The following ADAMTSL3 variants were observed in gnomAD, a reference collection of about 807,000 sequenced individuals.
ADAMTSL3 encodes the protein ADAMTS like 3.
In ADAMTSL3, 128 loss-of-function variants were observed where a neutral mutation model predicts 201.7. The ratio of observed to expected loss-of-function variants is 0.63; its 90% CI spans 0.55 to 0.73. The LOEUF is 0.73. ADAMTSL3 is among the 30% of genes least tolerant of loss of function. The pLI is 0.00. For missense variants in ADAMTSL3, 1,990 were observed against 2,119.6 expected, an observed-to-expected ratio of 0.94 and a Z score of 1.20; for synonymous variants, 738 against 748.4, an observed-to-expected ratio of 0.99 and a Z score of 0.23.
intron 6 of ADAMTSL3, among the ~76,000 whole-genome samples, chr15:83,826,714 A>G (rs1284330854): frequency 7.3e-6 from 1 of 136,300 alleles, no homozygotes; most frequent in African/African-American, 2.7e-5. Context: ...CCTGTGTCCA[A>G]GTGTTCTCAT....
In ADAMTSL3 at chr15:84,029,412, A is replaced by G. The variant is rs529735878; in HGVS notation, c.4657-1923A>G. On this transcript the variant is annotated intron_variant, in intron 27 of 29. Coordinates refer to ENST00000286744, the MANE Select transcript of ADAMTSL3 (RefSeq NM_207517.3). ...AATGGAGGCATTTTGCCCCTGTCCTAGAGATCTGTGGAATGTTGAACTTGA... is the reference window on the plus strand; with the variant it reads ...AATGGAGGCATTTTGCCCCTGTCCTGGAGATCTGTGGAATGTTGAACTTGA... 3.3e-5 allele frequency among the ~76,000 whole-genome samples: 5 copies of G among 152,338 alleles called. No homozygotes were observed. The East Asian group carries it at 9.6e-4, about 29-fold the overall frequency.
intron 2 of ADAMTSL3, among the ~76,000 whole-genome samples, chr15:83,677,366 G>A (rs10152418): frequency 0.17 from 25,733 of 152,104 alleles, 2,872 homozygotes; most frequent in East Asian, 0.35. Flanking sequence ...TGCTGAGAGA[G>A]AGATGATGAA....
intron 17 of ADAMTSL3, among the ~76,000 whole-genome samples, chr15:83,924,260 C>G (rs950389067): frequency 6.6e-6 from 1 of 152,204 alleles, no homozygotes; most frequent in Non-Finnish European, 1.5e-5. Context: ...TTGTTTGCAT[C>G]GAACACGAAT....
At chr15:83,809,960 C>T (rs1285806060) in intron 5 of ADAMTSL3, among the ~76,000 whole-genome samples, 2 of 151,950 alleles carry the variant, frequency 1.3e-5, no homozygotes, top group South Asian at 2.1e-4. Context: ...GGTAGGCCCC[C>T]GAGTTCTATG....
intron 3 of ADAMTSL3, among the ~76,000 whole-genome samples, chr15:83,715,269 C>A (rs185997620): frequency 2.6e-5 from 4 of 152,312 alleles, no homozygotes; most frequent in African/African-American, 7.2e-5. Context: ...AATATTGCCT[C>A]TTCCAGGAAA....
chr15:83,974,668 G>A (rs1020985287), intron 20 of ADAMTSL3, among the ~76,000 whole-genome samples: 3 of 152,062 alleles, frequency 2.0e-5, no homozygotes, highest in African/African-American at 7.2e-5. Flanking sequence ...TGTTAGATGT[G>A]GTTCATTCTC....
intron 3 of ADAMTSL3, among the ~76,000 whole-genome samples, chr15:83,769,475 A>G (rs1317610898): frequency 6.6e-6 from 1 of 152,234 alleles, no homozygotes; most frequent in East Asian, 1.9e-4. Context: ...ACTATAGAAA[A>G]TTGAACTGAA....
At chr15:83,880,066 T>C (rs1009121132) in intron 9 of ADAMTSL3, among the ~76,000 whole-genome samples, 1 of 152,100 alleles carries the variant, frequency 6.6e-6, no homozygotes. Flanking sequence ...TGCTTTTAAG[T>C]GTGTTCCCTT....
intron 9 of ADAMTSL3, among the ~76,000 whole-genome samples, chr15:83,872,851 A>G (rs1473714657): frequency 3.4e-5 from 5 of 145,362 alleles, no homozygotes; most frequent in Admixed American, 6.8e-5. Flanking sequence ...CATAAGCTGC[A>G]TATTTCTATG....
In ADAMTSL3 at chr15:84,036,936, C is replaced by A; in HGVS notation, c.4918C>A (p.Gln1640Lys). The change falls in exon 29 of 30, where the codon CAG (glutamine) becomes AAG (lysine). Residue 1640 changes from glutamine to lysine, a missense_variant. Coordinates refer to ENST00000286744, the MANE Select transcript of ADAMTSL3 (RefSeq NM_207517.3). ...ACCTGTGGCCAAGAGACACTGTGTA[C>A]AGAAAAAGAAACCAATTTCCTGGCG... ...CKPVAKRHCVQKKKPISWRHC... is the reference protein window; with the variant it reads ...CKPVAKRHCVKKKKPISWRHC... 6.2e-7 allele frequency: 1 copy of A among 1,614,088 alleles called. No homozygotes were observed. Among genetic ancestry groups the A allele is most frequent in the Non-Finnish European group, 8.5e-7 (1 of 1,180,018 alleles).
chr15:83,675,098 T>A (rs1355335428), intron 2 of ADAMTSL3, among the ~76,000 whole-genome samples: 2 of 152,048 alleles, frequency 1.3e-5, no homozygotes, highest in South Asian at 2.1e-4. Flanking sequence ...ATCTTGTATC[T>A]TGCAACCTTT....
At chr15:83,698,206 C>G (rs1258347006) in intron 2 of ADAMTSL3, among the ~76,000 whole-genome samples, 1 of 152,176 alleles carries the variant, frequency 6.6e-6, no homozygotes, top group Non-Finnish European at 1.5e-5. Context: ...ATATCACAAT[C>G]AAGCAGAACT....
intron 15 of ADAMTSL3, among the ~76,000 whole-genome samples, chr15:83,900,551 T>G (rs1168826568): frequency 1.3e-5 from 2 of 152,366 alleles, no homozygotes; most frequent in East Asian, 3.9e-4. Flanking sequence ...AAGTGTTTGG[T>G]GCTGACAGGC....
At chr15:83,674,678 C>CATATATACATATATACACAT (rs1567063969) in intron 2 of ADAMTSL3, among the ~76,000 whole-genome samples, 1 of 57,472 alleles carries the variant, frequency 1.7e-5, no homozygotes, top group Admixed American at 1.8e-4. Context: ...TATATACACA[C>CATATATACATATATACACAT]ATATATACAT....
intron 3 of ADAMTSL3, among the ~76,000 whole-genome samples, chr15:83,726,108 TC>T (rs1485533022): frequency 6.6e-6 from 1 of 152,130 alleles, no homozygotes; most frequent in Non-Finnish European, 1.5e-5. Flanking sequence ...TAGAAATCTT[TC>T]ATTTCTTTGG....
intron 23 of ADAMTSL3, among the ~76,000 whole-genome samples, chr15:83,996,402 C>T (rs1450626905): frequency 6.6e-6 from 1 of 152,116 alleles, no homozygotes; most frequent in African/African-American, 2.4e-5. Context: ...AAAAGTCAAG[C>T]CACATTTCTG....
At chr15:83,716,121 A>G (rs2062014293) in intron 3 of ADAMTSL3, among the ~76,000 whole-genome samples, 1 of 152,234 alleles carries the variant, frequency 6.6e-6, no homozygotes, top group African/African-American at 2.4e-5. Context: ...TCCCATGGAC[A>G]TGGAATAGCT....
intron 7 of ADAMTSL3, among the ~76,000 whole-genome samples, chr15:83,846,662 A>G (rs568610215): frequency 9.7e-4 from 148 of 152,230 alleles, no homozygotes; most frequent in Admixed American, 4.1e-3. Flanking sequence ...CCCACCCTAG[A>G]ATTTTGAGGG....
In ADAMTSL3 at chr15:83,902,811, C is replaced by G. The variant is rs1596379845; in HGVS notation, c.1700+3080C>G. ...GCCTCCTCTTTAATTACACTCCCCT[C>G]TTAATTGGGAGTGGCCCCACCTGTT... On this transcript the variant is annotated intron_variant, in intron 15 of 29. Coordinates refer to ENST00000286744, the MANE Select transcript of ADAMTSL3 (RefSeq NM_207517.3). Among the ~76,000 whole-genome samples the G allele has an allele frequency of 4.6e-5, 7 of 152,252 alleles. No individual in the cohort carries two copies. In the South Asian group the frequency reaches 1.4e-3, roughly 32 times the overall value.
Sources: gnomAD v4.1 joint callset for allele counts (sites outside exome capture counted in the v4.1 genomes callset) on GRCh38, gnomAD v4.1.1 for gene constraint, MANE v1.5 for transcripts, NCBI Gene and HGNC (gene_info 2026-07-23, HGNC 2026-07-21) for gene names.